The following TOX3 variants were observed in gnomAD, a reference collection of about 807,000 sequenced individuals.
The protein encoded by TOX3 is CAG trinucleotide repeat-containing gene F9 protein.
A neutral mutation model predicts 64.3 loss-of-function variants in TOX3; 22 were observed. That is an observed-to-expected ratio of 0.34 (90% CI 0.24 to 0.49). The LOEUF is 0.49. Ranked by LOEUF, TOX3 falls within the 20% of genes least tolerant of loss-of-function variation. The probability of loss-of-function intolerance (pLI) is 0.99; values close to 1 mark genes in which losing one functional copy is unlikely to be tolerated. For missense variants in TOX3, 661 were observed against 714.4 expected, an observed-to-expected ratio of 0.93 and a Z score of 0.85; for synonymous variants, 291 against 273.6, an observed-to-expected ratio of 1.06 and a Z score of -0.63.
At chr16:52,546,124 C>A (rs985099544) in intron 1 of TOX3, among the ~76,000 whole-genome samples, 2 of 152,032 alleles carry the variant, frequency 1.3e-5, no homozygotes, top group Non-Finnish European at 2.9e-5. Flanking sequence ...TCCCCCCACT[C>A]CCCTGTCCAG....
At chr16:52,477,002 AGTAGAT>A (rs1362306952) in intron 1 of TOX3, among the ~76,000 whole-genome samples, 1 of 152,144 alleles carries the variant, frequency 6.6e-6, no homozygotes, top group Non-Finnish European at 1.5e-5. Flanking sequence ...AGATTCAGGG[AGTAGAT>A]GTACATGTTT....
At chr16:52,517,841 A>AT (rs1962498157) in intron 1 of TOX3, among the ~76,000 whole-genome samples, 1 of 152,192 alleles carries the variant, frequency 6.6e-6, no homozygotes, top group African/African-American at 2.4e-5. Context: ...TCCATCTCTG[A>AT]TCTCTCTCCC....
intron 1 of TOX3, among the ~76,000 whole-genome samples, chr16:52,513,734 T>C (rs1188384464): frequency 6.6e-6 from 1 of 151,316 alleles, no homozygotes; most frequent in Non-Finnish European, 1.5e-5. Flanking sequence ...TGTCAAACTT[T>C]TAAAATAAGG....
intron 1 of TOX3, among the ~76,000 whole-genome samples, chr16:52,507,189 A>T (rs1962182388): frequency 6.6e-6 from 1 of 152,186 alleles, no homozygotes; most frequent in Non-Finnish European, 1.5e-5. Flanking sequence ...GGGGATAGAA[A>T]GGGAGCCATG....
In TOX3 at chr16:52,546,660, G is replaced by A; in HGVS notation, c.64C>T (p.Leu22=). The part of the protein sequence containing the change: ...DPASLDFAQC[L]GYYGYSKFGN... Reference sequence around the variant, plus strand: ...ACCTTGCTGTAGCCGTAGTACCCCAGGCACTGCGCGAAGTCCAGGCTGGCA... The same window carrying A: ...ACCTTGCTGTAGCCGTAGTACCCCAAGCACTGCGCGAAGTCCAGGCTGGCA... The change falls in exon 1 of 7, where the codon CTG becomes TTG. Residue 22 remains leucine, a synonymous_variant. Transcript: ENST00000219746. 3 of 1,543,014 alleles carry A rather than the reference G, an allele frequency of 1.9e-6. No individual in the cohort carries two copies. Among genetic ancestry groups the A allele is most frequent in the Non-Finnish European group, 2.6e-6 (3 of 1,147,378 alleles).
chr16:52,465,400 T>C (rs1393984437), intron 2 of TOX3, among the ~76,000 whole-genome samples: 1 of 151,590 alleles, frequency 6.6e-6, no homozygotes, highest in Non-Finnish European at 1.5e-5. Flanking sequence ...CTAACCATTT[T>C]TGGGGGGATT....
At chr16:52,505,123 C>T (rs989470566) in intron 1 of TOX3, among the ~76,000 whole-genome samples, 3 of 151,950 alleles carry the variant, frequency 2.0e-5, no homozygotes, top group African/African-American at 4.8e-5. Context: ...CGTGAACCAC[C>T]GCACCCGGCC....
intron 1 of TOX3, among the ~76,000 whole-genome samples, chr16:52,508,320 GA>G (rs979671871): frequency 3.9e-5 from 6 of 152,230 alleles, no homozygotes; most frequent in African/African-American, 1.4e-4. Context: ...CCCAAGTAAA[GA>G]CATGAGAACA....
rs1959834789 is a variant in TOX3 at position 52,438,881 on chromosome 16, T to A, written c.*344A>T. 1 of 520,378 alleles carries A rather than the reference T, an allele frequency of 1.9e-6. No homozygotes were observed. Among genetic ancestry groups the A allele is most frequent in the African/African-American group, 1.9e-5 (1 of 51,780 alleles). The allele number at this position is 520,378 out of a possible 1,614,324, so 32.2% of individuals were successfully genotyped here. A position where few individuals can be genotyped will look rare whatever the true frequency, so the allele number is the denominator to read the frequency against. On this transcript the variant is annotated 3_prime_UTR_variant, in exon 7 of 7. Coordinates refer to ENST00000219746, the MANE Select transcript of TOX3 (RefSeq NM_001080430.4). Reference sequence around the variant, plus strand: ...CACTTCTGGAGAAATAAGGCCATTTTTCTATGACTCAGAGAGGCCAGTTTA... The same window carrying A: ...CACTTCTGGAGAAATAAGGCCATTTATCTATGACTCAGAGAGGCCAGTTTA...
chr16:52,485,739 C>G (rs184877901), intron 1 of TOX3, among the ~76,000 whole-genome samples: 3 of 152,054 alleles, frequency 2.0e-5, no homozygotes, highest in Admixed American at 6.5e-5. Flanking sequence ...TGCCTCAGAC[C>G]AGATGAGAGA....
At chr16:52,519,125 C>T (rs946667310) in intron 1 of TOX3, among the ~76,000 whole-genome samples, 1 of 152,202 alleles carries the variant, frequency 6.6e-6, no homozygotes, top group Non-Finnish European at 1.5e-5. Flanking sequence ...GTAGAACCAA[C>T]CTGTTCTAGC....
intron 1 of TOX3, among the ~76,000 whole-genome samples, chr16:52,501,550 C>T (rs1962000807): frequency 6.6e-6 from 1 of 151,860 alleles, no homozygotes; most frequent in Non-Finnish European, 1.5e-5. Context: ...ATCCCAGCTA[C>T]TAGGGAGGCT....
chr16:52,539,708 G>T (rs1242812497), intron 1 of TOX3, among the ~76,000 whole-genome samples: 4 of 152,166 alleles, frequency 2.6e-5, no homozygotes, highest in Non-Finnish European at 4.4e-5. Context: ...TCCAGTGCAT[G>T]ACTCTGTGAG....
intron 3 of TOX3, among the ~76,000 whole-genome samples, chr16:52,461,816 A>G (rs1960700244): frequency 1.3e-5 from 2 of 152,210 alleles, no homozygotes; most frequent in Admixed American, 6.5e-5. Context: ...GAGTGTTATG[A>G]TGTAGCCAGC....
chr16:52,453,843 G>C (rs1432833094), intron 3 of TOX3, among the ~76,000 whole-genome samples: 1 of 152,086 alleles, frequency 6.6e-6, no homozygotes, highest in African/African-American at 2.4e-5. Context: ...CTTTATTATG[G>C]ATCTTGTTGC....
intron 1 of TOX3, among the ~76,000 whole-genome samples, chr16:52,481,868 T>C (rs1212017867): frequency 6.6e-6 from 1 of 152,190 alleles, no homozygotes; most frequent in Non-Finnish European, 1.5e-5. Flanking sequence ...ATTTTACCAG[T>C]TGTGTTTATC....
chr16:52,486,672 C>T (rs1961539787), intron 1 of TOX3, among the ~76,000 whole-genome samples: 1 of 152,166 alleles, frequency 6.6e-6, no homozygotes, highest in South Asian at 2.1e-4. Context: ...TGCCTCATGC[C>T]TGTAATCCCA....
At chr16:52,547,735 G>T (rs1289549036), upstream of TOX3, 1 of 152,384 alleles carries the variant, frequency 6.6e-6, no homozygotes, top group East Asian at 1.9e-4. Flanking sequence ...CCCAGAAGGG[G>T]TGTTGGGGCC....
At chr16:52,449,155 G>C (rs1960257750) in intron 4 of TOX3, among the ~76,000 whole-genome samples, 1 of 152,006 alleles carries the variant, frequency 6.6e-6, no homozygotes, top group Non-Finnish European at 1.5e-5. Flanking sequence ...CCTTTATAAG[G>C]CATTCTCTAT....
Sources: allele counts gnomAD v4.1 joint callset (sites outside exome capture counted in the v4.1 genomes callset), GRCh38; gene constraint gnomAD v4.1.1; transcripts MANE v1.5; gene names NCBI Gene and HGNC (gene_info 2026-07-23, HGNC 2026-07-21).